DCC: variants seen among roughly 807,000 people sequenced by gnomAD.
DCC encodes netrin receptor DCC.
Under a neutral mutation model 172.5 loss-of-function variants are expected in DCC, and 58 were observed. The observed-to-expected ratio is 0.34, with a 90% CI of 0.27 to 0.42. The LOEUF (loss-of-function observed/expected upper bound fraction) is 0.42, where lower values mean the gene tolerates loss of function less well. Among genes scored for constraint, DCC ranks in the 10% least tolerant of loss-of-function variants. The pLI is 1.00. For missense variants in DCC, 1,740 were observed against 1,791.0 expected (o/e 0.97, Z 0.51); for synonymous variants, 709 against 644.5 (o/e 1.10, Z -1.52).
intron 17 of DCC, among the ~76,000 whole-genome samples, chr18:53,395,221 C>A (rs1159795640): frequency 1.3e-5 from 2 of 150,892 alleles, no homozygotes; most frequent in African/African-American, 4.9e-5. Context: ...AGATAACTGG[C>A]CATGTTGCTC....
chr18:53,042,542 C>A (rs1382315180), intron 5 of DCC, among the ~76,000 whole-genome samples: 1 of 151,820 alleles, frequency 6.6e-6, no homozygotes, highest in Admixed American at 6.6e-5. Flanking sequence ...GGAGGAGTCC[C>A]TCTTTTTCTA....
chr18:53,271,747 G>A (rs926897009), intron 12 of DCC, among the ~76,000 whole-genome samples: 4 of 152,092 alleles, frequency 2.6e-5, no homozygotes, highest in African/African-American at 9.7e-5. Context: ...AGTAGGTCCA[G>A]CCATGGGGAG....
chr18:52,922,545 T>C (rs2040142382), intron 3 of DCC, among the ~76,000 whole-genome samples: 1 of 152,178 alleles, frequency 6.6e-6, no homozygotes, highest in Non-Finnish European at 1.5e-5. Flanking sequence ...GATTTTGCTT[T>C]GAGTCTGCAA....
chr18:52,554,875 T>C (rs1364479716), intron 1 of DCC, among the ~76,000 whole-genome samples: 3 of 152,028 alleles, frequency 2.0e-5, no homozygotes, highest in East Asian at 1.9e-4. Flanking sequence ...CTTAAATATA[T>C]GAAAAGTGGT....
At chr18:52,872,837 GTGA>G (rs2039343448) in intron 2 of DCC, among the ~76,000 whole-genome samples, 1 of 152,160 alleles carries the variant, frequency 6.6e-6, no homozygotes, top group African/African-American at 2.4e-5. Flanking sequence ...TAAGAGCTCA[GTGA>G]TGATATAACA....
intron 27 of DCC, among the ~76,000 whole-genome samples, chr18:53,502,731 T>G (rs979313152): frequency 2.6e-5 from 4 of 152,336 alleles, no homozygotes; most frequent in Admixed American, 2.6e-4. Context: ...TATGGTAATG[T>G]GAGGCATTGC....
At chr18:52,975,438 T>G (rs1485569495) in intron 5 of DCC, among the ~76,000 whole-genome samples, 1 of 152,136 alleles carries the variant, frequency 6.6e-6, no homozygotes, top group African/African-American at 2.4e-5. Context: ...GGGGGGTTGT[T>G]GTACTGATTA....
intron 13 of DCC, among the ~76,000 whole-genome samples, chr18:53,309,048 G>T (rs926894965): frequency 4.0e-5 from 6 of 151,570 alleles, no homozygotes; most frequent in Non-Finnish European, 5.9e-5. Context: ...TATTTGTTTT[G>T]TTTTTTTGAG....
chr18:53,521,497 T>C (rs2046398402), intron 27 of DCC, among the ~76,000 whole-genome samples: 1 of 152,120 alleles, frequency 6.6e-6, no homozygotes, highest in Admixed American at 6.6e-5. Context: ...TCTCTGCATG[T>C]AAAACTGACA....
intron 1 of DCC, among the ~76,000 whole-genome samples, chr18:52,561,722 T>A (rs538923382): frequency 6.6e-6 from 1 of 152,268 alleles, no homozygotes; most frequent in South Asian, 2.1e-4. Flanking sequence ...TGAAATTATA[T>A]GGTGATATTC....
intron 12 of DCC, among the ~76,000 whole-genome samples, chr18:53,288,755 G>A (rs1273409494): frequency 6.6e-6 from 1 of 152,056 alleles, no homozygotes; most frequent in Non-Finnish European, 1.5e-5. Flanking sequence ...CTGTTCTTAA[G>A]TTGGAATAAG....
intron 3 of DCC, among the ~76,000 whole-genome samples, chr18:52,911,988 G>T (rs781068047): frequency 6.6e-6 from 1 of 151,840 alleles, no homozygotes. Flanking sequence ...GGCATGAAAA[G>T]GTCTGCATAT....
At chr18:53,427,596 G>A (rs140838297) in intron 21 of DCC, among the ~76,000 whole-genome samples, 3,536 of 151,604 alleles carry the variant, frequency 0.023, 72 homozygotes, top group Middle Eastern at 0.065. Context: ...TGTCACATAG[G>A]TTAGAACTTA....
At chr18:52,394,736 ACT>A (rs1053335615) in intron 1 of DCC, among the ~76,000 whole-genome samples, 4 of 152,156 alleles carry the variant, frequency 2.6e-5, no homozygotes, top group African/African-American at 9.6e-5. Context: ...TCAAATTGAT[ACT>A]GTTTGCCAGT....
At chr18:52,840,926 AT>A (rs2038794363) in intron 2 of DCC, among the ~76,000 whole-genome samples, 3 of 151,398 alleles carry the variant, frequency 2.0e-5, no homozygotes, top group East Asian at 2.0e-4. Context: ...GGAAACATAA[AT>A]AAACCTGCTA....
At chr18:53,192,579 A>G (rs1275995162) in intron 9 of DCC, among the ~76,000 whole-genome samples, 1 of 152,224 alleles carries the variant, frequency 6.6e-6, no homozygotes, top group Non-Finnish European at 1.5e-5. Context: ...GCTGACTATC[A>G]ATCAATAGAA....
intron 5 of DCC, among the ~76,000 whole-genome samples, chr18:52,937,743 A>G (rs1363009682): frequency 3.3e-5 from 5 of 152,074 alleles, no homozygotes; most frequent in Admixed American, 6.6e-5. Context: ...GCCAGGACAA[A>G]GTGCTGGGAT....
At chr18:52,819,723 A>G (rs2038368746) in intron 2 of DCC, among the ~76,000 whole-genome samples, 1 of 77,522 alleles carries the variant, frequency 1.3e-5, no homozygotes, top group South Asian at 6.4e-4. Flanking sequence ...TAACTTGTGA[A>G]CTTTTTTTTT....
intron 2 of DCC, among the ~76,000 whole-genome samples, chr18:52,788,987 G>A (rs901594376): frequency 6.6e-6 from 1 of 152,078 alleles, no homozygotes; most frequent in Non-Finnish European, 1.5e-5. Flanking sequence ...GGGGAGTGGG[G>A]AAGTTTGTAT....
Sources: allele counts gnomAD v4.1 joint callset (sites outside exome capture counted in the v4.1 genomes callset), GRCh38; gene constraint gnomAD v4.1.1; transcripts MANE v1.5; gene names NCBI Gene and HGNC (gene_info 2026-07-23, HGNC 2026-07-21).